ADARB2: variants seen among roughly 807,000 people sequenced by gnomAD.
The protein encoded by ADARB2 is adenosine deaminase RNA specific B2 (inactive), also known as inactive double-stranded RNA-specific editase B2.
In ADARB2, 25 loss-of-function variants were observed where a neutral mutation model predicts 62.2. That is an observed-to-expected ratio of 0.40 (90% confidence interval 0.29 to 0.56). The LOEUF is 0.56. Ranked by LOEUF, ADARB2 falls within the 20% of genes least tolerant of loss-of-function variation. The pLI is 0.43. For missense variants in ADARB2, 1,071 were observed against 1,077.4 expected (o/e 0.99, Z 0.08); for synonymous variants, 572 against 500.8 (o/e 1.14, Z -1.90).
intron 1 of ADARB2, among the ~76,000 whole-genome samples, chr10:1,412,584 C>G (rs1401245450): frequency 6.6e-6 from 1 of 152,044 alleles, no homozygotes; most frequent in African/African-American, 2.4e-5. Flanking sequence ...ACAAAATAAT[C>G]CTCATATCTG....
intron 1 of ADARB2, among the ~76,000 whole-genome samples, chr10:1,507,704 G>C (rs952637653): frequency 6.6e-6 from 1 of 152,202 alleles, no homozygotes; most frequent in African/African-American, 2.4e-5. Flanking sequence ...GCAGGGTGCT[G>C]TCTGAAGGGG....
At chr10:1,718,711 T>C (rs1256395080) in intron 1 of ADARB2, among the ~76,000 whole-genome samples, 1 of 152,140 alleles carries the variant, frequency 6.6e-6, no homozygotes, top group Non-Finnish European at 1.5e-5. Flanking sequence ...CACGACCCAG[T>C]TGACAGGCAG....
intron 3 of ADARB2, among the ~76,000 whole-genome samples, chr10:1,278,454 C>A (rs1425969923): frequency 4.0e-5 from 6 of 149,300 alleles, no homozygotes; most frequent in African/African-American, 1.5e-4. Context: ...CCAGTGTCTG[C>A]TCTTCCCATC....
intron 1 of ADARB2, among the ~76,000 whole-genome samples, chr10:1,481,081 C>T (rs1311858748): frequency 6.6e-6 from 1 of 152,158 alleles, no homozygotes; most frequent in African/African-American, 2.4e-5. Flanking sequence ...TACTACAAAG[C>T]TACAAATCAA....
At chr10:1,231,551 G>T (rs77808661) in intron 6 of ADARB2, among the ~76,000 whole-genome samples, 2,675 of 152,214 alleles carry the variant, frequency 0.018, 33 homozygotes, top group Middle Eastern at 0.048. Flanking sequence ...TCTGGGGAGG[G>T]CTGTGTCCAC....
intron 1 of ADARB2, among the ~76,000 whole-genome samples, chr10:1,496,474 C>A (rs915564562): frequency 4.6e-5 from 7 of 152,022 alleles, no homozygotes; most frequent in Admixed American, 4.6e-4. Context: ...CCACCATCAT[C>A]ATCATTGTCA....
chr10:1,667,247 A>C (rs1834327097), intron 1 of ADARB2, among the ~76,000 whole-genome samples: 2 of 152,206 alleles, frequency 1.3e-5, no homozygotes, highest in African/African-American at 4.8e-5. Flanking sequence ...TACAACTAGG[A>C]TCTTTCTGAT....
chr10:1,519,713 C>T (rs1215342989), intron 1 of ADARB2, among the ~76,000 whole-genome samples: 1 of 152,160 alleles, frequency 6.6e-6, no homozygotes. Flanking sequence ...GGATTTGGGA[C>T]TGGCCATGGC....
intron 1 of ADARB2, among the ~76,000 whole-genome samples, chr10:1,633,552 C>A (rs571429763): frequency 0.024 from 1,449 of 59,172 alleles, 16 homozygotes; most frequent in South Asian, 0.13. Flanking sequence ...TATCTATCAT[C>A]TATCTATCTA....
chr10:1,385,002 G>A (rs1007671156), intron 1 of ADARB2, among the ~76,000 whole-genome samples: 1 of 152,156 alleles, frequency 6.6e-6, no homozygotes, highest in Non-Finnish European at 1.5e-5. Flanking sequence ...AAAAGGTCAT[G>A]TTTTAGGACT....
At chr10:1,275,775 C>T (rs1564243952) in intron 3 of ADARB2, among the ~76,000 whole-genome samples, 1 of 151,190 alleles carries the variant, frequency 6.6e-6, no homozygotes, top group African/African-American at 2.4e-5. Context: ...TTTGACTTTG[C>T]AATAGTTTGC....
intron 4 of ADARB2, among the ~76,000 whole-genome samples, chr10:1,263,368 A>C (rs1372947962): frequency 6.6e-6 from 1 of 152,234 alleles, no homozygotes; most frequent in Non-Finnish European, 1.5e-5. Context: ...GCATGCAGGT[A>C]AACACTGGAT....
At chr10:1,735,196 C>T (rs993907001) in intron 1 of ADARB2, among the ~76,000 whole-genome samples, 1 of 152,152 alleles carries the variant, frequency 6.6e-6, no homozygotes, top group Non-Finnish European at 1.5e-5. Flanking sequence ...CAATTTTTGG[C>T]TATGAAAATT....
chr10:1,683,274 A>G (rs1451594934), intron 1 of ADARB2, among the ~76,000 whole-genome samples: 1 of 152,168 alleles, frequency 6.6e-6, no homozygotes, highest in Non-Finnish European at 1.5e-5. Flanking sequence ...CTTATTTCTG[A>G]GAACTTTAAA....
intron 1 of ADARB2, among the ~76,000 whole-genome samples, chr10:1,616,614 T>C (rs377011727): frequency 5.7e-4 from 50 of 87,410 alleles, no homozygotes; most frequent in African/African-American, 9.2e-4. Context: ...CCTCAGAGGG[T>C]TGCATTCTGT....
intron 1 of ADARB2, among the ~76,000 whole-genome samples, chr10:1,392,286 T>C (rs1263216731): frequency 6.6e-6 from 1 of 152,182 alleles, no homozygotes; most frequent in African/African-American, 2.4e-5. Context: ...GGCTGACAGT[T>C]GGAGTCCACA....
At position 1,505,388 on chromosome 10, in the gene ADARB2, T is replaced by G. The variant is rs577563928; in HGVS notation, c.101-126228A>C. On this transcript the variant is annotated intron_variant, in intron 1 of 9. Transcript: ENST00000381312. ...AAGGGATCGGAGGGTTTTTGTTTTT[T>G]TTTTTTTTGCAACAAATAACTCAGA... Among the ~76,000 whole-genome samples the G allele has an allele frequency of 6.6e-5, 10 of 152,092 alleles. No individual in the cohort carries two copies. The East Asian group carries it at 1.2e-3, about 18-fold the overall frequency.
intron 1 of ADARB2, among the ~76,000 whole-genome samples, chr10:1,418,748 G>A (rs1158848417): frequency 6.6e-6 from 1 of 152,076 alleles, no homozygotes; most frequent in African/African-American, 2.4e-5. Flanking sequence ...TGATACAATA[G>A]TGATTTTAAA....
At chr10:1,329,929 C>CTTTTTTT (rs370355543) in intron 3 of ADARB2, among the ~76,000 whole-genome samples, 1 of 100,214 alleles carries the variant, frequency 1.0e-5, no homozygotes, top group Non-Finnish European at 2.0e-5. Context: ...GAAGAAGTGC[C>CTTTTTTT]TTTTTTTTTT....
Sources: gnomAD v4.1 joint callset for allele counts (sites outside exome capture counted in the v4.1 genomes callset) on GRCh38, gnomAD v4.1.1 for gene constraint, MANE v1.5 for transcripts, NCBI Gene and HGNC (gene_info 2026-07-23, HGNC 2026-07-21) for gene names.